The following NAMPT variants were observed in gnomAD, a reference collection of about 807,000 sequenced individuals.
NAMPT encodes nicotinamide phosphoribosyltransferase, also known as NAmPRTase.
Under a neutral mutation model 58.7 loss-of-function variants are expected in NAMPT, and 7 were observed. That is an observed-to-expected ratio of 0.12 (90% CI 0.07 to 0.22). The LOEUF is 0.22. Among genes scored for constraint, NAMPT ranks in the 10% least tolerant of loss-of-function variants. The pLI is 1.00. For missense variants in NAMPT, 271 were observed against 567.9 expected (o/e 0.48, Z 5.31); for synonymous variants, 145 against 198.1 (o/e 0.73, Z 2.25).
At chr7:106,283,697 T>A (rs4730155) in intron 1 of NAMPT, among the ~76,000 whole-genome samples, 7 of 151,998 alleles carry the variant, frequency 4.6e-5, no homozygotes, top group Non-Finnish European at 4.4e-5. Flanking sequence ...AAAAGACAAC[T>A]TGTTGATGGA....
intron 1 of NAMPT, among the ~76,000 whole-genome samples, chr7:106,282,942 G>T (rs1026006892): frequency 6.6e-6 from 1 of 151,916 alleles, no homozygotes; most frequent in African/African-American, 2.4e-5. Context: ...TTTTTCCTAA[G>T]ATAAAAAGAC....
At chr7:106,272,151 A>G (rs1562817351) in intron 4 of NAMPT, 1 of 355,818 alleles carries the variant, frequency 2.8e-6, no homozygotes, top group East Asian at 1.1e-4. Flanking sequence ...AAGTTGGAAT[A>G]AAGTTCCTTT....
chr7:106,253,084 T>C lies in NAMPT; in HGVS notation c.1298A>G (p.His433Arg), dbSNP rs1409123964. Reference sequence around the variant, plus strand: ...AACAAAATTCCCTGCTGGCGTCCTATGTAAAGATAATCGGCCCTTTTTGGA... The same window carrying C: ...AACAAAATTCCCTGCTGGCGTCCTACGTAAAGATAATCGGCCCTTTTTGGA... ...KRSKKGRLSLHRTPAGNFVTL... is the reference protein window; with the variant it reads ...KRSKKGRLSLRRTPAGNFVTL... Residue 433 changes from histidine to arginine, a missense_variant, in exon 10 of 11, where the codon CAT becomes CGT. By Grantham distance (29) the His-to-Arg change is conservative. This residue lies in a region of NAMPT where 143 missense variants were observed against 331.1 expected (regional missense o/e 0.43). Transcript: ENST00000222553. 6.2e-7 allele frequency: 1 copy of C among 1,613,354 alleles called. No homozygotes were observed. The highest frequency in any genetic ancestry group is 8.5e-7 in the Non-Finnish European group (1 of 1,179,516).
Position 106,284,935 on chromosome 7 carries a change from C to A in NAMPT, c.-51G>T, listed in dbSNP as rs375661670. On this transcript the variant is annotated 5_prime_UTR_variant, in exon 1 of 11. Coordinates refer to ENST00000222553, the MANE Select transcript of NAMPT (RefSeq NM_005746.3). ...CGCCGCGAGCTCCCTGGCGCGGCTG[C>A]GAGGAAGGAGAAAAATGAGCTTCAC... The A allele has an allele frequency of 3.4e-4, 522 of 1,557,426 alleles. 12 individuals are homozygous for A. The East Asian group carries it at 5.5e-3, about 16-fold the overall frequency.
chr7:106,284,988 G>C (rs1357185434), upstream of NAMPT: 3 of 1,478,080 alleles, frequency 2.0e-6, no homozygotes, highest in South Asian at 2.6e-5. Context: ...GTCACTGCTC[G>C]GTCGGCGGAG....
chr7:106,249,620 A>T lies in NAMPT; in HGVS notation c.*1463T>A, dbSNP rs187349299. On this transcript the variant is annotated 3_prime_UTR_variant, in exon 11 of 11. Coordinates refer to ENST00000222553, the MANE Select transcript of NAMPT (RefSeq NM_005746.3). Reference sequence around the variant, plus strand: ...GGAAACTTTTTGTGTAATTTTGTGTAAAGGGCAGGTTAATAAACATTTTGG... The same window carrying T: ...GGAAACTTTTTGTGTAATTTTGTGTTAAGGGCAGGTTAATAAACATTTTGG... 2.0e-5 allele frequency: 3 copies of T among 152,158 alleles called. No homozygotes were observed. 9.4% of individuals were successfully genotyped at this position (152,158 alleles called of 1,614,324 possible).
intron 6 of NAMPT, among the ~76,000 whole-genome samples, chr7:106,267,509 G>C (rs1224292549): frequency 6.6e-6 from 1 of 152,066 alleles, no homozygotes; most frequent in East Asian, 1.9e-4. Flanking sequence ...AAATAATTTT[G>C]TTATAAAAGT....
intron 4 of NAMPT, among the ~76,000 whole-genome samples, chr7:106,269,991 G>A (rs945393170): frequency 2.6e-5 from 4 of 152,086 alleles, no homozygotes; most frequent in East Asian, 1.9e-4. Context: ...AAATACTCAC[G>A]TAAGTTACAG....
chr7:106,261,823 T>C, intron 7 of NAMPT, 116 bp from the exon 8 acceptor site: 1 of 1,114,816 alleles, frequency 9.0e-7, no homozygotes, highest in South Asian at 1.5e-5. Context: ...TTAACTACTT[T>C]AAAAATTTTA....
chr7:106,253,317 G>A lies in NAMPT; in HGVS notation c.1231-166C>T, dbSNP rs772930876. On this transcript the variant is annotated intron_variant, in intron 9 of 10. Transcript: ENST00000222553. ...TGGCTTTCAGAAACATAACACTTTA[G>A]CCTGTTTTGAAGGATAGTCGTTTGT... The A allele has an allele frequency of 8.1e-4, 539 of 665,772 alleles. 2 individuals are homozygous for A. The Middle Eastern group carries it at 0.02, about 24-fold the overall frequency. The allele number at this position is 665,772 out of a possible 1,614,324, so 41.2% of individuals were successfully genotyped here.
chr7:106,273,599 T>G (rs1185225906), intron 3 of NAMPT, among the ~76,000 whole-genome samples: 1 of 152,188 alleles, frequency 6.6e-6, no homozygotes, highest in East Asian at 1.9e-4. Flanking sequence ...CCAGATTATC[T>G]CTAGAGAACC....
intron 7 of NAMPT, among the ~76,000 whole-genome samples, chr7:106,262,296 A>G (rs1292927739): frequency 6.6e-6 from 1 of 152,112 alleles, no homozygotes; most frequent in African/African-American, 2.4e-5. Context: ...TTTGTACACC[A>G]AATTAAAATT....
intron 4 of NAMPT, chr7:106,270,435 TGCC>T (rs1408597473): frequency 3.4e-4 from 73 of 217,642 alleles, no homozygotes; most frequent in African/African-American, 1.7e-3. Flanking sequence ...ACCTTGAACT[TGCC>T]AATCTAGTCA....
At chr7:106,279,967 C>G (rs1263670154) in intron 1 of NAMPT, among the ~76,000 whole-genome samples, 1 of 151,880 alleles carries the variant, frequency 6.6e-6, no homozygotes, top group Non-Finnish European at 1.5e-5. Flanking sequence ...GGGGTGGGGA[C>G]AGTAAGAACA....
Position 106,261,509 on chromosome 7 carries a change from A to C in NAMPT, c.1089+79T>G. On this transcript the variant is annotated intron_variant, in intron 8 of 10. Coordinates refer to ENST00000222553, the MANE Select transcript of NAMPT (RefSeq NM_005746.3). ...CTTACAAAGACTTAAAATTGTATTT[A>C]TATTGTGTTCTTTATCAAACATAAA... 2.6e-6 allele frequency: 3 copies of C among 1,144,264 alleles called. No homozygotes were observed. The South Asian group carries it at 4.5e-5, about 17-fold the overall frequency. 70.9% of individuals were successfully genotyped at this position (1,144,264 alleles called of 1,614,324 possible). A position where few individuals can be genotyped will look rare whatever the true frequency, so the allele number is the denominator to read the frequency against.
At chr7:106,270,308 C>A in intron 4 of NAMPT, 1 of 418,938 alleles carries the variant, frequency 2.4e-6, no homozygotes, top group South Asian at 1.8e-5. Context: ...TGAAAAAGAG[C>A]TGCTAAGATG....
rs572062183 is a variant in NAMPT, at chr7:106,257,865, G to T, written c.1090-3361C>A. On this transcript the variant is annotated intron_variant, in intron 8 of 10. Transcript: ENST00000222553. Reference sequence around the variant, plus strand: ...ATTTCTGAAACAGATACAGTACCCTGCCATGTTCTTTCACCTGCAAGGGGG... The same window carrying T: ...ATTTCTGAAACAGATACAGTACCCTTCCATGTTCTTTCACCTGCAAGGGGG... Among the ~76,000 whole-genome samples the T allele has an allele frequency of 1.2e-4, 18 of 150,980 alleles. No homozygotes were observed. In the South Asian group the frequency reaches 3.4e-3, roughly 28 times the overall value.
chr7:106,277,198 TTC>T lies in NAMPT; in HGVS notation c.58-21_58-20del. The T allele has an allele frequency of 1.3e-6, 2 of 1,596,108 alleles. No individual in the cohort carries two copies. Among genetic ancestry groups the T allele is most frequent in the Non-Finnish European group, 1.7e-6 (2 of 1,167,874 alleles). ...GAGTAACCTATGTAAAGAAATACACTTCTGTTAGAAAACACCGATGAGTAGAC... is the reference window on the plus strand; with the variant it reads ...GAGTAACCTATGTAAAGAAATACACTTGTTAGAAAACACCGATGAGTAGAC... On this transcript the variant is annotated intron_variant, in intron 1 of 10. Transcript: ENST00000222553.
intron 6 of NAMPT, among the ~76,000 whole-genome samples, chr7:106,267,760 G>A (rs1310745454): frequency 1.6e-4 from 23 of 140,442 alleles, no homozygotes; most frequent in African/African-American, 5.3e-5. Flanking sequence ...AGAATGGCGT[G>A]AACCTGGGAG....
Sources: gnomAD v4.1 joint callset for allele counts (sites outside exome capture counted in the v4.1 genomes callset) on GRCh38, gnomAD v4.1.1 for gene constraint, gnomAD v4.1.1 regional missense constraint, MANE v1.5 for transcripts, NCBI Gene and HGNC (gene_info 2026-07-23, HGNC 2026-07-21) for gene names.